ATP2B2: variants seen among roughly 807,000 people sequenced by gnomAD.
ATP2B2 encodes the protein plasma membrane calcium-transporting ATPase 2.
ATP2B2 carries 15 observed loss-of-function variants against 120.0 expected under a neutral mutation model. That is an observed-to-expected ratio of 0.12 (90% confidence interval 0.08 to 0.19). The LOEUF (loss-of-function observed/expected upper bound fraction) is 0.19. Among genes scored for constraint, ATP2B2 ranks in the 10% least tolerant of loss-of-function variants. The probability of loss-of-function intolerance (pLI) is 1.00; values close to 1 mark genes in which losing one functional copy is unlikely to be tolerated. For synonymous variants in ATP2B2, 694 were observed against 700.3 expected (o/e 0.99, Z 0.14); for missense variants, 1,045 against 1,719.8 (o/e 0.61, Z 6.94).
intron 6 of ATP2B2, 90 bp from the exon 7 acceptor site, chr3:10,386,602 T>C: frequency 7.1e-7 from 1 of 1,403,462 alleles, no homozygotes; most frequent in Non-Finnish European, 1.0e-6. Flanking sequence ...AACACACATG[T>C]GCATACACAC....
intron 2 of ATP2B2, among the ~76,000 whole-genome samples, chr3:10,559,944 C>G (rs1170584352): frequency 6.6e-6 from 1 of 152,212 alleles, no homozygotes; most frequent in Non-Finnish European, 1.5e-5. Context: ...GATATGGTTT[C>G]TGTTTTGGGA....
At chr3:10,601,245 G>A (rs2068910693) in intron 2 of ATP2B2, among the ~76,000 whole-genome samples, 1 of 152,184 alleles carries the variant, frequency 6.6e-6, no homozygotes, top group African/African-American at 2.4e-5. Context: ...GCGTGAGCCA[G>A]GACACTCCAG....
At chr3:10,554,178 TC>T (rs1181777690) in intron 2 of ATP2B2, among the ~76,000 whole-genome samples, 1 of 152,022 alleles carries the variant, frequency 6.6e-6, no homozygotes, top group Non-Finnish European at 1.5e-5. Flanking sequence ...TGAACACTCA[TC>T]CTCTCACTTT....
intron 3 of ATP2B2, among the ~76,000 whole-genome samples, chr3:10,519,968 T>C (rs559585591): frequency 2.4e-4 from 37 of 152,356 alleles, no homozygotes; most frequent in East Asian, 1.9e-4. Context: ...CAGGGACATC[T>C]GACTTCACCT....
chr3:10,338,421 A>G, intron 21 of ATP2B2, 63 bp from the exon 22 acceptor site: 1 of 1,581,612 alleles, frequency 6.3e-7, no homozygotes, highest in Non-Finnish European at 8.7e-7. Context: ...TCTCTCCCTG[A>G]CACCCGCTCC....
chr3:10,610,484 C>T (rs2069203531), intron 2 of ATP2B2, among the ~76,000 whole-genome samples: 1 of 152,174 alleles, frequency 6.6e-6, no homozygotes. Flanking sequence ...CTCCCCAGCC[C>T]ACTCACCCCA....
At chr3:10,333,793 TC>T (rs2060045061) in intron 22 of ATP2B2, among the ~76,000 whole-genome samples, 1 of 151,958 alleles carries the variant, frequency 6.6e-6, no homozygotes. Context: ...CCCTGCCGGG[TC>T]CCCTGAGAGA....
chr3:10,485,039 G>A (rs1245623012), intron 1 of ATP2B2, among the ~76,000 whole-genome samples: 2 of 152,216 alleles, frequency 1.3e-5, no homozygotes, highest in Admixed American at 6.5e-5. Flanking sequence ...AAAGGGGCTG[G>A]TTGAGGGCTC....
chr3:10,700,275 G>A (rs1204999523), intron 1 of ATP2B2, among the ~76,000 whole-genome samples: 1 of 152,030 alleles, frequency 6.6e-6, no homozygotes, highest in Admixed American at 6.6e-5. Context: ...TCTGTCCTAA[G>A]TGTTCTGCCT....
chr3:10,516,549 C>T (rs1351045752), intron 3 of ATP2B2, among the ~76,000 whole-genome samples: 1 of 152,238 alleles, frequency 6.6e-6, no homozygotes, highest in Admixed American at 6.5e-5. Context: ...CCATTGTCCC[C>T]ATAACATCCA....
chr3:10,705,686 C>T (rs2071885883), intron 1 of ATP2B2, among the ~76,000 whole-genome samples: 1 of 152,230 alleles, frequency 6.6e-6, no homozygotes, highest in Non-Finnish European at 1.5e-5. Context: ...GGCTTCATAG[C>T]ATTGTGAGGA....
At chr3:10,584,018 G>A (rs574417093) in intron 2 of ATP2B2, among the ~76,000 whole-genome samples, 6 of 152,332 alleles carry the variant, frequency 3.9e-5, no homozygotes, top group South Asian at 2.1e-4. Context: ...TAGGAACATC[G>A]TGGCAAGCAA....
chr3:10,433,298 T>C (rs1460344089), intron 2 of ATP2B2, among the ~76,000 whole-genome samples: 4 of 152,170 alleles, frequency 2.6e-5, no homozygotes, highest in South Asian at 2.1e-4. Context: ...GGATTGGCCA[T>C]AGTTATGTGA....
intron 1 of ATP2B2, among the ~76,000 whole-genome samples, chr3:10,672,087 T>C (rs556633944): frequency 1.3e-5 from 2 of 152,284 alleles, no homozygotes; most frequent in African/African-American, 4.8e-5. Context: ...ATGCAAACAA[T>C]TGATAAGGTG....
intron 1 of ATP2B2, among the ~76,000 whole-genome samples, chr3:10,658,405 T>C (rs2070694520): frequency 6.6e-6 from 1 of 152,168 alleles, no homozygotes; most frequent in African/African-American, 2.4e-5. Flanking sequence ...TTAAATGACC[T>C]GATGGAGCTG....
chr3:10,667,802 C>A (rs11718483), intron 1 of ATP2B2, among the ~76,000 whole-genome samples: 3,979 of 152,256 alleles, frequency 0.026, 56 homozygotes, highest in South Asian at 0.091. Context: ...CAGGCAGACA[C>A]GAACTGGTGG....
chr3:10,358,580 T>G, intron 14 of ATP2B2, 111 bp downstream of exon 14: 2 of 1,007,344 alleles, frequency 2.0e-6, no homozygotes, highest in South Asian at 1.4e-5. Flanking sequence ...CCCATGGGCA[T>G]TATGTGGAAA....
chr3:10,503,910 T>C (rs1197163656), intron 1 of ATP2B2, among the ~76,000 whole-genome samples: 1 of 152,242 alleles, frequency 6.6e-6, no homozygotes, highest in Non-Finnish European at 1.5e-5. Flanking sequence ...GTGTACTGCA[T>C]TCGTGTGTGT....
chr3:10,541,315 G>T (rs9861409), intron 2 of ATP2B2, among the ~76,000 whole-genome samples: 3,434 of 152,018 alleles, frequency 0.023, 114 homozygotes, highest in African/African-American at 0.078. Flanking sequence ...TTTGGTTTGG[G>T]TTTATTTTGC....
Sources: gnomAD v4.1 joint callset for allele counts (sites outside exome capture counted in the v4.1 genomes callset) on GRCh38, gnomAD v4.1.1 for gene constraint, MANE v1.5 for transcripts, NCBI Gene and HGNC (gene_info 2026-07-23, HGNC 2026-07-21) for gene names.